CNST: variants seen among roughly 807,000 people sequenced by gnomAD.
CNST encodes the protein consortin, connexin sorting protein.
A neutral mutation model predicts 72.4 loss-of-function variants in CNST; 39 were observed. The observed-to-expected ratio is 0.54, with a 90% CI of 0.42 to 0.70. The LOEUF is 0.70. Among genes scored for constraint, CNST ranks in the 30% least tolerant of loss-of-function variants. The pLI is 0.00. For missense variants in CNST, 871 were observed against 868.5 expected (o/e 1.00, Z -0.04); for synonymous variants, 332 against 320.1 (o/e 1.04, Z -0.40).
intron 1 of CNST, among the ~76,000 whole-genome samples, chr1:246,588,781 T>A (rs574312271): frequency 6.6e-6 from 1 of 152,220 alleles, no homozygotes; most frequent in South Asian, 2.1e-4. Context: ...TTTATAAATG[T>A]AGCACATCTT....
intron 8 of CNST, among the ~76,000 whole-genome samples, chr1:246,646,034 C>T (rs1666041954): frequency 6.6e-6 from 1 of 151,962 alleles, no homozygotes; most frequent in African/African-American, 2.4e-5. Flanking sequence ...AATCCCAGCA[C>T]TTTGGGAGGC....
At chr1:246,568,255 C>T (rs144130212) in intron 1 of CNST, among the ~76,000 whole-genome samples, 105 of 152,344 alleles carry the variant, frequency 6.9e-4, no homozygotes, top group Non-Finnish European at 9.0e-4. Flanking sequence ...AGTTAGCCTA[C>T]TGAGTCCTAG....
chr1:246,582,617 G>T (rs1660872604), intron 1 of CNST, among the ~76,000 whole-genome samples: 1 of 152,278 alleles, frequency 6.6e-6, no homozygotes, highest in African/African-American at 2.4e-5. Context: ...TCTGAAAAGC[G>T]CTGGTCTCAA....
Position 246,662,412 on chromosome 1 carries a change from C to T in CNST, c.1972+2078C>T, listed in dbSNP as rs544609130. Among the ~76,000 whole-genome samples, 432 of 152,164 alleles carry T rather than the reference C, an allele frequency of 2.8e-3. 2 individuals carry two copies. The highest frequency in any genetic ancestry group is 5.0e-3 in the Non-Finnish European group (340 of 67,996). On this transcript the variant is annotated intron_variant, in intron 10 of 10. Transcript: ENST00000366513. The stretch of plus-strand genomic sequence containing the variant: ...TTATTTGATTTTATTTTTTTTGAGA[C>T]GGGATCTCACTCTGTCGCCCGGCTG...
chr1:246,575,259 G>A (rs1343797389), intron 1 of CNST, among the ~76,000 whole-genome samples: 3 of 152,178 alleles, frequency 2.0e-5, no homozygotes, highest in South Asian at 4.1e-4. Context: ...AGACAAAAAC[G>A]TGCACAAATG....
Position 246,641,787 on chromosome 1 carries a change from T to C in CNST, c.840+17T>C. The C allele has an allele frequency of 7.6e-7, 1 of 1,318,656 alleles. No individual in the cohort carries two copies. The highest frequency in any genetic ancestry group is 1.2e-5 in the South Asian group (1 of 80,526). 81.7% of individuals were successfully genotyped at this position (1,318,656 alleles called of 1,614,324 possible). A position where few individuals can be genotyped will look rare whatever the true frequency, so the allele number is the denominator to read the frequency against. On this transcript the variant is annotated intron_variant, in intron 7 of 10. Transcript: ENST00000366513. ...AAACATAAGGTAAGAGATTGTTTCTTTTGAATATATTTCTAGGAAAAATGT... is the reference window on the plus strand; with the variant it reads ...AAACATAAGGTAAGAGATTGTTTCTCTTGAATATATTTCTAGGAAAAATGT...
rs1483565971 is a variant in CNST at position 246,648,064 on chromosome 1, A to G, written c.1836+27A>G. 6 of 1,568,174 alleles carry G rather than the reference A, an allele frequency of 3.8e-6. No individual in the cohort carries two copies. In the African/African-American group the frequency reaches 6.9e-5, roughly 18 times the overall value. On this transcript the variant is annotated intron_variant, in intron 9 of 10. Coordinates refer to ENST00000366513, the MANE Select transcript of CNST (RefSeq NM_152609.3). ...TAAATCAGAGATGAAGTACAATTAA[A>G]AGTAAAATGGCATTTAAAAAACATA...
Position 246,600,164 on chromosome 1 carries a change from G to A in CNST, c.379+8223G>A, listed in dbSNP as rs115651234. Among the ~76,000 whole-genome samples, 538 of 152,346 alleles carry A rather than the reference G, an allele frequency of 3.5e-3. 3 individuals are homozygous for A. Among genetic ancestry groups the A allele is most frequent in the African/African-American group, 0.012 (511 of 41,582 alleles). ...GCGTACCATGGGCTAGAGCTCACAA[G>A]ACAAGAAGAGAGCATCCTACATTTC... is the stretch of plus-strand genomic sequence containing the variant. On this transcript the variant is annotated intron_variant, in intron 2 of 10. Transcript: ENST00000366513.
rs141937398 is a variant in CNST, at chr1:246,567,671, T to G, written c.-52+1008T>G. Among the ~76,000 whole-genome samples, 293 of 152,350 alleles carry G rather than the reference T, an allele frequency of 1.9e-3. 1 individual carries two copies. Among genetic ancestry groups the G allele is most frequent in the African/African-American group, 6.7e-3 (280 of 41,584 alleles). ...TGACAACTAAATATGACCTTTTGTG[T>G]ATTATAAATTTGTTAGGACATCATA... On this transcript the variant is annotated intron_variant, in intron 1 of 10. Coordinates refer to ENST00000366513, the MANE Select transcript of CNST (RefSeq NM_152609.3).
At chr1:246,573,869 G>C (rs1660214693) in intron 1 of CNST, among the ~76,000 whole-genome samples, 1 of 151,430 alleles carries the variant, frequency 6.6e-6, no homozygotes, top group African/African-American at 2.4e-5. Flanking sequence ...GTGAAAAAAT[G>C]TGCCCAGAAT....
intron 8 of CNST, among the ~76,000 whole-genome samples, chr1:246,646,095 C>A (rs1225294019): frequency 6.6e-6 from 1 of 151,756 alleles, no homozygotes; most frequent in South Asian, 2.1e-4. Flanking sequence ...CTGGCTAACA[C>A]GGTGAAACCC....
intron 1 of CNST, among the ~76,000 whole-genome samples, chr1:246,574,030 T>C (rs2103001848): frequency 6.6e-6 from 1 of 152,278 alleles, no homozygotes; most frequent in East Asian, 1.9e-4. Flanking sequence ...ATTACAGAAG[T>C]AATAATGCTC....
chr1:246,591,646 T>G lies in CNST; in HGVS notation c.84T>G (p.Ser28Arg). 3 of 1,613,846 alleles carry G rather than the reference T, an allele frequency of 1.9e-6. No homozygotes were observed. Among genetic ancestry groups the G allele is most frequent in the Non-Finnish European group, 2.5e-6 (3 of 1,179,964 alleles). Reference sequence around the variant, plus strand: ...ATCCTGGTGACAGCGTGGAAAGGAGTGTGACCTGTCTGCCTTCTGCATCAG... The same window carrying G: ...ATCCTGGTGACAGCGTGGAAAGGAGGGTGACCTGTCTGCCTTCTGCATCAG... ...GCHPGDSVER[S>R]VTCLPSASDE... Residue 28 changes from serine to arginine, a missense_variant, in exon 2 of 11, where the codon AGT becomes AGG. By Grantham distance (110) the Ser-to-Arg change is moderately radical. Transcript: ENST00000366513.
intron 3 of CNST, among the ~76,000 whole-genome samples, chr1:246,628,516 T>A (rs987813599): frequency 2.0e-5 from 3 of 152,272 alleles, no homozygotes; most frequent in African/African-American, 7.2e-5. Context: ...TTAAAAGTTC[T>A]GTTTTAAAGT....
intron 6 of CNST, among the ~76,000 whole-genome samples, chr1:246,636,563 A>G (rs1665261075): frequency 6.6e-6 from 1 of 152,248 alleles, no homozygotes; most frequent in Admixed American, 6.5e-5. Context: ...GGATGGAAAT[A>G]CCACGGGTGA....
Position 246,566,664 on chromosome 1 carries a change from G to A in CNST, c.-52+1G>A. ...CCCTCCTTGCGCCTCCGATTCCCAG[G>A]TGAGGAGAGGAGGAGCGGGATGCAG... On this transcript the variant is annotated splice_donor_variant, in intron 1 of 10. Transcript: ENST00000366513. LOFTEE classifies it low-confidence loss of function (5UTR_SPLICE). 1 of 402,194 alleles carries A rather than the reference G, an allele frequency of 2.5e-6. No homozygotes were observed. Among genetic ancestry groups the A allele is most frequent in the Non-Finnish European group, 4.4e-6 (1 of 227,932 alleles). 24.9% of individuals were successfully genotyped at this position (402,194 alleles called of 1,614,324 possible). A position where few individuals can be genotyped will look rare whatever the true frequency, so the allele number is the denominator to read the frequency against.
chr1:246,641,982 G>A lies in CNST; in HGVS notation c.882G>A (p.Thr294=), dbSNP rs373967697. ...VEKSQERKCS[T]QLLVSEDPKE... ...AGTCCCAGGAAAGGAAATGCTCCAC[G>A]CAGTTACTAGTGTCTGAAGATCCAA... Residue 294 remains threonine (T), a synonymous_variant, in exon 8 of 11, where the codon ACG becomes ACA. Coordinates refer to ENST00000366513, the MANE Select transcript of CNST (RefSeq NM_152609.3). The A allele has an allele frequency of 1.2e-5, 20 of 1,612,702 alleles. No homozygotes were observed. Among genetic ancestry groups the A allele is most frequent in the Middle Eastern group, 1.6e-4 (1 of 6,080 alleles).
At chr1:246,584,880 C>T (rs774557893) in intron 1 of CNST, among the ~76,000 whole-genome samples, 7 of 152,124 alleles carry the variant, frequency 4.6e-5, no homozygotes, top group Admixed American at 1.3e-4. Flanking sequence ...TAAATCAAGA[C>T]GTGATCTCTT....
Position 246,666,869 on chromosome 1 carries a change from C to CA in CNST, c.*964_*965insA, listed in dbSNP as rs1667409818. ...TAATCCTGGTCTTATATAGAATAAA[C>CA]CAGTACTTTGCTGAGTGAAATCACC... is the stretch of plus-strand genomic sequence containing the variant. On this transcript the variant is annotated 3_prime_UTR_variant, in exon 11 of 11. Transcript: ENST00000366513. 6.6e-6 allele frequency: 1 copy of CA among 152,146 alleles called. No individual in the cohort carries two copies. Among genetic ancestry groups the CA allele is most frequent in the Non-Finnish European group, 1.5e-5 (1 of 68,038 alleles). The allele number at this position is 152,146 out of a possible 1,614,324, so 9.4% of individuals were successfully genotyped here.
Sources: gnomAD v4.1 joint callset for allele counts (sites outside exome capture counted in the v4.1 genomes callset) on GRCh38, gnomAD v4.1.1 for gene constraint, MANE v1.5 for transcripts, NCBI Gene and HGNC (gene_info 2026-07-23, HGNC 2026-07-21) for gene names.